Variants in DGKK observed in about 807,000 individuals in gnomAD.
DGKK encodes diacylglycerol kinase kappa, also known as 142 kDa diacylglycerol kinase.
In DGKK, 35 loss-of-function variants were observed where a neutral mutation model predicts 92.2. The observed-to-expected ratio is 0.38, with a 90% CI of 0.29 to 0.50. The LOEUF (loss-of-function observed/expected upper bound fraction) is 0.50, where lower values mean the gene tolerates loss of function less well. Among genes scored for constraint, DGKK ranks in the 20% least tolerant of loss-of-function variants. The probability of loss-of-function intolerance (pLI) is 0.92; values close to 1 mark genes in which losing one functional copy is unlikely to be tolerated. For synonymous variants in DGKK, 368 were observed against 360.6 expected (o/e 1.02, Z -0.23); for missense variants, 910 against 992.2 (o/e 0.92, Z 1.11).
chrX:50,420,593 C>T (rs1016220592), intron 3 of DGKK, 86 bp from the exon 4 acceptor site: 7 of 806,995 alleles, frequency 8.7e-6, no homozygotes, highest in Non-Finnish European at 1.1e-5. Context: ...AGAAACTACA[C>T]AGATGTACCA....
Position 50,447,423 on chromosome X carries a change from T to TAC in DGKK, c.645+22610_645+22611insGT, listed in dbSNP as rs1401169163. 6.9e-4 allele frequency among the ~76,000 whole-genome samples: 12 copies of TAC among 17,355 alleles called. 1 individual carries two copies. The Admixed American group carries it at 0.014, about 21-fold the overall frequency. 15.1% of individuals were successfully genotyped at this position (17,355 alleles called of 115,157 possible). A position where few individuals can be genotyped will look rare whatever the true frequency, so the allele number is the denominator to read the frequency against. ...TATATATATATAATATATATATATA[T>TAC]ATATTATATATATATTTCACAGAAG... is the stretch of plus-strand genomic sequence containing the variant. On this transcript the variant is annotated intron_variant, in intron 1 of 27. Transcript: ENST00000611977.
In DGKK at chrX:50,371,725, T is replaced by C; in HGVS notation, c.3611A>G (p.Glu1204Gly). 4 of 1,188,234 alleles carry C rather than the reference T, an allele frequency of 3.4e-6. No homozygotes were observed. Among genetic ancestry groups the C allele is most frequent in the Non-Finnish European group, 4.6e-6 (4 of 876,444 alleles). Residue 1204 changes from glutamate to glycine, a missense_variant and splice_region_variant, in exon 26 of 28, where the codon GAG becomes GGG. Transcript: ENST00000611977. ...IDWMNPIFVP[E>G]EKSSDTDSRS... ...TTCCCAATTCCCAAGATTACGCACC[T>C]CTGGAACAAAGATTGGATTCATCCA...
intron 14 of DGKK, among the ~76,000 whole-genome samples, chrX:50,386,834 C>T (rs1030175389): frequency 4.5e-5 from 5 of 111,969 alleles, no homozygotes; most frequent in Admixed American, 1.9e-4. Flanking sequence ...TGGCCCCATG[C>T]ATCAGTGTAT....
chrX:50,408,444 T>A (rs1602282527), intron 4 of DGKK, among the ~76,000 whole-genome samples: 1 of 111,916 alleles, frequency 8.9e-6, no homozygotes, highest in East Asian at 2.8e-4. Flanking sequence ...AGTGGCGCGA[T>A]CTCGGCTCAC....
At chrX:50,457,720 G>A (rs1352418389) in intron 1 of DGKK, among the ~76,000 whole-genome samples, 1 of 111,551 alleles carries the variant, frequency 9.0e-6, no homozygotes, top group Non-Finnish European at 1.9e-5. Context: ...CTATTTTATA[G>A]GACTTGGAAC....
chrX:50,410,193 C>A (rs1222068340), intron 4 of DGKK, among the ~76,000 whole-genome samples: 1 of 111,450 alleles, frequency 9.0e-6, no homozygotes, highest in Non-Finnish European at 1.9e-5. Flanking sequence ...GAGGTACATG[C>A]CAAGAAAGCC....
At position 50,368,515 on chromosome X, in the gene DGKK, C is replaced by G; in HGVS notation, c.*425G>C. 8.8e-6 allele frequency: 1 copy of G among 113,492 alleles called. No individual in the cohort carries two copies. The highest frequency in any genetic ancestry group is 1.8e-5 in the Non-Finnish European group (1 of 54,530). The allele number at this position is 113,492 out of a possible 1,213,427, so 9.4% of individuals were successfully genotyped here. On this transcript the variant is annotated 3_prime_UTR_variant, in exon 28 of 28. Transcript: ENST00000611977. Reference sequence around the variant, plus strand: ...CAAGTCTGGCTGTCCTGCCTGCCCCCTTCTCTTCATCTCCCTGGGAGTCTG... The same window carrying G: ...CAAGTCTGGCTGTCCTGCCTGCCCCGTTCTCTTCATCTCCCTGGGAGTCTG...
intron 1 of DGKK, among the ~76,000 whole-genome samples, chrX:50,428,767 A>G (rs1925808331): frequency 9.0e-6 from 1 of 111,324 alleles, no homozygotes; most frequent in Non-Finnish European, 1.9e-5. Flanking sequence ...AAGTACCTGT[A>G]GTCCTTTTCC....
intron 1 of DGKK, among the ~76,000 whole-genome samples, chrX:50,467,090 A>G (rs1926927686): frequency 8.9e-6 from 1 of 112,294 alleles, no homozygotes; most frequent in African/African-American, 3.2e-5. Context: ...GGTCTACTTC[A>G]TATAAGCCCC....
At chrX:50,385,738 C>T (rs1924528364) in intron 15 of DGKK, among the ~76,000 whole-genome samples, 2 of 111,910 alleles carry the variant, frequency 1.8e-5, no homozygotes, top group African/African-American at 6.5e-5. Flanking sequence ...TACACTCATT[C>T]TTATACCACC....
Position 50,379,812 on chromosome X carries a change from G to A in DGKK, c.2755-78C>T, listed in dbSNP as rs184190633. On this transcript the variant is annotated intron_variant, in intron 19 of 27. Coordinates refer to ENST00000611977, the MANE Select transcript of DGKK (RefSeq NM_001013742.4). ...GGAACATTTACAGAGATGGGGAAAG[G>A]GCTCTGTCTTCTCTTCCATTACATG... The A allele has an allele frequency of 4.7e-5, 44 of 945,332 alleles. No homozygotes were observed. The African/African-American group carries it at 7.7e-4, about 16-fold the overall frequency. 77.9% of individuals were successfully genotyped at this position (945,332 alleles called of 1,213,427 possible). A position where few individuals can be genotyped will look rare whatever the true frequency, so the allele number is the denominator to read the frequency against.
intron 1 of DGKK, among the ~76,000 whole-genome samples, chrX:50,462,831 A>C (rs1175904811): frequency 9.7e-6 from 1 of 103,575 alleles, no homozygotes; most frequent in African/African-American, 3.5e-5. Flanking sequence ...TATTGGGAAA[A>C]ATTAGAATGG....
intron 19 of DGKK, 105 bp downstream of exon 19, chrX:50,379,876 G>T: frequency 1.1e-6 from 1 of 926,927 alleles, no homozygotes; most frequent in Non-Finnish European, 1.6e-6. Flanking sequence ...GAGCTGTGAG[G>T]ATCACAGAGT....
At chrX:50,443,466 A>G (rs1557231448) in intron 1 of DGKK, among the ~76,000 whole-genome samples, 1 of 111,191 alleles carries the variant, frequency 9.0e-6, no homozygotes, top group Non-Finnish European at 1.9e-5. Context: ...AATATTTAGC[A>G]TCCAAAAAAT....
chrX:50,405,170 T>C (rs951046323), intron 4 of DGKK, among the ~76,000 whole-genome samples: 3 of 112,294 alleles, frequency 2.7e-5, no homozygotes, highest in African/African-American at 9.7e-5. Flanking sequence ...GTGTCCTCTT[T>C]CATGGTACTG....
intron 1 of DGKK, among the ~76,000 whole-genome samples, chrX:50,434,474 A>G (rs1925967249): frequency 9.0e-6 from 1 of 110,937 alleles, no homozygotes; most frequent in Admixed American, 9.6e-5. Flanking sequence ...TCTCATATCA[A>G]ATAACTACAT....
intron 8 of DGKK, among the ~76,000 whole-genome samples, chrX:50,396,768 G>A (rs374819159): frequency 1.9e-4 from 21 of 112,040 alleles, no homozygotes; most frequent in African/African-American, 6.5e-4. Context: ...AGGTGACAAA[G>A]ATGGGTGCCA....
chrX:50,406,590 CA>C (rs1408907807), intron 4 of DGKK, among the ~76,000 whole-genome samples: 1 of 111,654 alleles, frequency 9.0e-6, no homozygotes, highest in Non-Finnish European at 1.9e-5. Context: ...CACACAGACA[CA>C]GGGGAGAACA....
At chrX:50,469,383 G>C (rs1926991755) in intron 1 of DGKK, among the ~76,000 whole-genome samples, 8 of 112,789 alleles carry the variant, frequency 7.1e-5, no homozygotes, top group Admixed American at 2.8e-4. Flanking sequence ...TTCGACACAC[G>C]CATGCTCTCC....
Sources: allele counts gnomAD v4.1 joint callset (sites outside exome capture counted in the v4.1 genomes callset), GRCh38; gene constraint gnomAD v4.1.1; transcripts MANE v1.5; gene names NCBI Gene and HGNC (gene_info 2026-07-23, HGNC 2026-07-21).